The following HEPH variants were observed in gnomAD, a reference collection of about 807,000 sequenced individuals.
The protein encoded by HEPH is hephaestin.
In HEPH, 69 loss-of-function variants were observed where a neutral mutation model predicts 80.8. That is an observed-to-expected ratio of 0.85 (90% CI 0.70 to 1.04). HEPH has a LOEUF of 1.04. Among genes scored for constraint, HEPH ranks in the 50% least tolerant of loss-of-function variants. The pLI, the probability that HEPH is intolerant of heterozygous loss-of-function variation, is 0.00. For missense variants in HEPH, 1,115 were observed against 891.3 expected (o/e 1.25, Z -3.20); for synonymous variants, 431 against 322.8 (o/e 1.34, Z -3.60).
chrX:66,241,083 C>T (rs2090557164), intron 15 of HEPH, among the ~76,000 whole-genome samples: 1 of 111,959 alleles, frequency 8.9e-6, no homozygotes, highest in Non-Finnish European at 1.9e-5. Flanking sequence ...ACCACCACAC[C>T]TGTCTCACAA....
intron 11 of HEPH, among the ~76,000 whole-genome samples, chrX:66,199,244 G>C (rs1179020473): frequency 9.0e-6 from 1 of 111,569 alleles, no homozygotes; most frequent in African/African-American, 3.3e-5. Context: ...GAAACTGGAA[G>C]AAAGTACTGC....
At chrX:66,166,005 A>G (rs1284219509) in intron 1 of HEPH, among the ~76,000 whole-genome samples, 2 of 110,568 alleles carry the variant, frequency 1.8e-5, no homozygotes, top group Non-Finnish European at 3.8e-5. Flanking sequence ...TTTATTACAA[A>G]CTAATGAGGG....
chrX:66,241,013 G>T (rs1469402256), intron 15 of HEPH, among the ~76,000 whole-genome samples: 2 of 111,756 alleles, frequency 1.8e-5, no homozygotes, highest in African/African-American at 6.5e-5. Flanking sequence ...CCAACTTGGA[G>T]AAACCCCATC....
chrX:66,203,084 C>T (rs1025083267), intron 12 of HEPH, among the ~76,000 whole-genome samples: 1 of 109,377 alleles, frequency 9.1e-6, no homozygotes, highest in Non-Finnish European at 1.9e-5. Flanking sequence ...AGTGCTAAAA[C>T]TAGAAACACC....
intron 15 of HEPH, among the ~76,000 whole-genome samples, chrX:66,254,194 T>C (rs1241602818): frequency 1.8e-5 from 2 of 111,224 alleles, no homozygotes; most frequent in African/African-American, 6.5e-5. Context: ...GTTAGGAAGC[T>C]TTGTAATGGT....
chrX:66,231,003 A>G (rs1377381499), intron 15 of HEPH, among the ~76,000 whole-genome samples: 6 of 107,981 alleles, frequency 5.6e-5, no homozygotes, highest in Non-Finnish European at 7.7e-5. Context: ...ATGGCTAGCC[A>G]GTTTTCCCAG....
At chrX:66,188,562 C>T (rs979714194) in intron 5 of HEPH, 21 bp downstream of exon 5, 2 of 1,165,637 alleles carry the variant, frequency 1.7e-6, no homozygotes, top group East Asian at 6.0e-5. Flanking sequence ...AAAAGGTGGC[C>T]ACATTGTGAC....
At chrX:66,167,671 T>C (rs1182971511) in intron 1 of HEPH, among the ~76,000 whole-genome samples, 1 of 112,111 alleles carries the variant, frequency 8.9e-6, no homozygotes, top group Non-Finnish European at 1.9e-5. Context: ...CGCCTGTGTT[T>C]CATCAGTGAA....
intron 15 of HEPH, among the ~76,000 whole-genome samples, chrX:66,252,057 G>A (rs1363607468): frequency 2.7e-5 from 3 of 111,717 alleles, no homozygotes; most frequent in Non-Finnish European, 5.6e-5. Context: ...GCAGACTATG[G>A]TGGTAGCAGT....
intron 15 of HEPH, among the ~76,000 whole-genome samples, chrX:66,223,139 A>G (rs2089723043): frequency 9.0e-6 from 1 of 111,132 alleles, no homozygotes; most frequent in Non-Finnish European, 1.9e-5. Flanking sequence ...TAAGAAGGTG[A>G]TCTTCAGGCT....
intron 15 of HEPH, among the ~76,000 whole-genome samples, chrX:66,241,291 C>T (rs1240423974): frequency 9.0e-6 from 1 of 111,375 alleles, no homozygotes; most frequent in Non-Finnish European, 1.9e-5. Context: ...GGCTAAACAC[C>T]TCAATTAAAA....
intron 19 of HEPH, among the ~76,000 whole-genome samples, chrX:66,261,538 G>GTT (rs5902598): frequency 8.7e-5 from 8 of 91,637 alleles, no homozygotes; most frequent in African/African-American, 7.9e-5. Flanking sequence ...TCAAGGCTGT[G>GTT]TTTTTTTTTT....
In HEPH at chrX:66,207,179, C is replaced by G; in HGVS notation, c.2292-16C>G. ...TTGATGGCCAGGTGCTGATAGTACTCTTTGGATTCCTCTAGTTATGGTTAC... is the reference window on the plus strand; with the variant it reads ...TTGATGGCCAGGTGCTGATAGTACTGTTTGGATTCCTCTAGTTATGGTTAC... On this transcript the variant is annotated splice_polypyrimidine_tract_variant and intron_variant, in intron 13 of 20. Transcript: ENST00000343002. 2 of 1,190,012 alleles carry G rather than the reference C, an allele frequency of 1.7e-6. No individual in the cohort carries two copies. The highest frequency in any genetic ancestry group is 3.1e-5 in the East Asian group (1 of 32,521).
At chrX:66,248,390 A>G (rs2090889758) in intron 15 of HEPH, among the ~76,000 whole-genome samples, 1 of 111,799 alleles carries the variant, frequency 8.9e-6, no homozygotes, top group African/African-American at 3.2e-5. Flanking sequence ...CCACCTGCCC[A>G]TTCGGCACTT....
intron 9 of HEPH, among the ~76,000 whole-genome samples, chrX:66,196,028 C>T (rs925703560): frequency 9.0e-6 from 1 of 111,359 alleles, no homozygotes; most frequent in South Asian, 3.7e-4. Context: ...TCAATACCAT[C>T]AATAAGGGGA....
At chrX:66,238,052 G>A (rs1411364411) in intron 15 of HEPH, among the ~76,000 whole-genome samples, 1 of 111,526 alleles carries the variant, frequency 9.0e-6, no homozygotes, top group Non-Finnish European at 1.9e-5. Context: ...ATGCCAACAG[G>A]GTCTTGGTTC....
chrX:66,216,792 T>G (rs1184800026), intron 15 of HEPH, among the ~76,000 whole-genome samples: 1 of 110,798 alleles, frequency 9.0e-6, no homozygotes, highest in South Asian at 3.8e-4. Flanking sequence ...CAGAGAAAGG[T>G]GAATAACAAC....
intron 15 of HEPH, among the ~76,000 whole-genome samples, 177 bp from the exon 16 acceptor site, chrX:66,254,858 G>A (rs1409673241): frequency 9.3e-6 from 1 of 107,863 alleles, no homozygotes; most frequent in Non-Finnish European, 1.9e-5. Context: ...AGAAAAGAAA[G>A]GTTGAGGGTG....
chrX:66,249,513 A>T (rs1397700317), intron 15 of HEPH, among the ~76,000 whole-genome samples: 1 of 111,603 alleles, frequency 9.0e-6, no homozygotes, highest in Non-Finnish European at 1.9e-5. Context: ...CCAGAGGAAC[A>T]GGATTGGAAG....
Sources: allele counts gnomAD v4.1 joint callset (sites outside exome capture counted in the v4.1 genomes callset), GRCh38; gene constraint gnomAD v4.1.1; transcripts MANE v1.5; gene names NCBI Gene and HGNC (gene_info 2026-07-23, HGNC 2026-07-21).